The following SCAF11 variants were observed in gnomAD, a reference collection of about 807,000 sequenced individuals.
SCAF11 encodes the protein SR-related CTD associated factor 11, also known as protein SCAF11.
Under a neutral mutation model 140.5 loss-of-function variants are expected in SCAF11, and 47 were observed. The observed-to-expected ratio is 0.33, with a 90% CI of 0.26 to 0.43. The LOEUF (loss-of-function observed/expected upper bound fraction) is 0.43. Among genes scored for constraint, SCAF11 ranks in the 20% least tolerant of loss-of-function variants. The pLI is 1.00. For synonymous variants in SCAF11, 557 were observed against 579.4 expected, an observed-to-expected ratio of 0.96 and a Z score of 0.55; for missense variants, 1,645 against 1,705.1, an observed-to-expected ratio of 0.96 and a Z score of 0.62.
At chr12:45,955,457 G>C (rs1945665400) in intron 3 of SCAF11, 1 of 152,266 alleles carries the variant, frequency 6.6e-6, no homozygotes. Flanking sequence ...GCCCAGACTG[G>C]CCTAATTTTA....
At chr12:45,950,547 C>T (rs1412626997) in intron 4 of SCAF11, among the ~76,000 whole-genome samples, 21 of 152,138 alleles carry the variant, frequency 1.4e-4, no homozygotes, top group Non-Finnish European at 3.1e-4. Flanking sequence ...TACATACAAA[C>T]AGCGTTTGGA....
At chr12:45,978,375 T>C (rs1037496904) in intron 1 of SCAF11, among the ~76,000 whole-genome samples, 2 of 152,204 alleles carry the variant, frequency 1.3e-5, no homozygotes, top group Admixed American at 6.5e-5. Flanking sequence ...TAAAGCTCTC[T>C]TATATTTATT....
At chr12:45,961,881 G>A (rs752158192) in intron 2 of SCAF11, 24 bp from the exon 3 acceptor site, 3 of 1,566,410 alleles carry the variant, frequency 1.9e-6, no homozygotes, top group Admixed American at 1.9e-5. Flanking sequence ...ACAGCCATAT[G>A]TGCTTTCAAG....
At chr12:45,984,542 A>T (rs1004544165) in intron 1 of SCAF11, among the ~76,000 whole-genome samples, 1 of 152,220 alleles carries the variant, frequency 6.6e-6, no homozygotes, top group Non-Finnish European at 1.5e-5. Context: ...TTGGTAATTA[A>T]CATGCATTTT....
At chr12:45,964,696 T>C (rs1565684211) in intron 1 of SCAF11, among the ~76,000 whole-genome samples, 1 of 151,758 alleles carries the variant, frequency 6.6e-6, no homozygotes, top group Admixed American at 6.6e-5. Flanking sequence ...GAAAAGCCTT[T>C]TATAACTATT....
chr12:45,972,971 GAT>G lies in SCAF11; in HGVS notation c.-21-8785_-21-8784del, dbSNP rs1177215954. Among the ~76,000 whole-genome samples, 35 of 124,042 alleles carry G rather than the reference GAT, an allele frequency of 2.8e-4. 1 individual carries two copies. The highest frequency in any genetic ancestry group is 1.1e-3 in the African/African-American group (32 of 28,928). The allele number at this position is 124,042 out of a possible 152,430, so 81.4% of individuals were successfully genotyped here. A position where few individuals can be genotyped will look rare whatever the true frequency, so the allele number is the denominator to read the frequency against. Reference sequence around the variant, plus strand: ...ATATAGATATATAGATATATATATAGATATATAGATATATAGATATAGATATA... The same window carrying G: ...ATATAGATATATAGATATATATATAGATATAGATATATAGATATAGATATA... On this transcript the variant is annotated intron_variant, in intron 1 of 14. Coordinates refer to ENST00000369367, the MANE Select transcript of SCAF11 (RefSeq NM_004719.3).
intron 6 of SCAF11, among the ~76,000 whole-genome samples, chr12:45,942,906 C>A (rs1366674750): frequency 6.6e-6 from 1 of 152,134 alleles, no homozygotes; most frequent in Non-Finnish European, 1.5e-5. Flanking sequence ...TGTTTTTGTT[C>A]ACTACTATAC....
Position 45,928,542 on chromosome 12 carries a change from T to C in SCAF11, c.1159A>G (p.Lys387Glu), listed in dbSNP as rs1166021068. Residue 387 changes from lysine (K) to glutamate (E), a missense_variant, in exon 11 of 15, where the codon AAA becomes GAA. Coordinates refer to ENST00000369367, the MANE Select transcript of SCAF11 (RefSeq NM_004719.3). ...VRRGRKPPLL[K>E]KKLRSSVAAP... The stretch of plus-strand genomic sequence containing the variant: ...GCTACAGAGCTCCGAAGTTTCTTTT[T>C]CAGTAAAGGTGGTTTTCTTCCTCTT... 1 of 1,614,016 alleles carries C rather than the reference T, an allele frequency of 6.2e-7. No homozygotes were observed. Among genetic ancestry groups the C allele is most frequent in the East Asian group, 2.2e-5 (1 of 44,896 alleles).
chr12:45,962,038 ATTT>A (rs1383870155), intron 2 of SCAF11, among the ~76,000 whole-genome samples, 181 bp from the exon 3 acceptor site: 2 of 152,128 alleles, frequency 1.3e-5, no homozygotes, highest in Non-Finnish European at 2.9e-5. Flanking sequence ...ACTTTCTTAA[ATTT>A]TTTTAACGGG....
chr12:45,956,739 T>C (rs1456145324), intron 3 of SCAF11, among the ~76,000 whole-genome samples: 1 of 152,232 alleles, frequency 6.6e-6, no homozygotes, highest in Admixed American at 6.5e-5. Flanking sequence ...GGCAACACTT[T>C]ATCTAGTGTA....
intron 3 of SCAF11, among the ~76,000 whole-genome samples, chr12:45,958,160 C>T (rs1945743230): frequency 6.6e-6 from 1 of 152,040 alleles, no homozygotes; most frequent in South Asian, 2.1e-4. Flanking sequence ...CCTCCTTGGC[C>T]TCCCAAAGTG....
At chr12:45,960,343 T>A (rs1396839394) in intron 3 of SCAF11, 1 of 152,124 alleles carries the variant, frequency 6.6e-6, no homozygotes, top group East Asian at 1.9e-4. Context: ...CCAAATACAA[T>A]CTTATAAAAA....
intron 9 of SCAF11, among the ~76,000 whole-genome samples, chr12:45,932,122 C>T (rs1037974913): frequency 1.3e-5 from 2 of 152,054 alleles, no homozygotes; most frequent in African/African-American, 4.8e-5. Context: ...AGTGTCCTCA[C>T]ACTCCTTTGT....
Position 45,920,229 on chromosome 12 carries a change from T to C in SCAF11, c.*1819A>G, listed in dbSNP as rs560642955. On this transcript the variant is annotated 3_prime_UTR_variant, in exon 15 of 15. Transcript: ENST00000369367. ...ACTCATAACAACAAAGCTTATGAAC[T>C]AGCACAATCATTATGGGACCAACAT... The C allele has an allele frequency of 6.6e-6, 1 of 152,310 alleles. No individual in the cohort carries two copies. Among genetic ancestry groups the C allele is most frequent in the Non-Finnish European group, 1.5e-5 (1 of 68,012 alleles). 9.4% of individuals were successfully genotyped at this position (152,310 alleles called of 1,614,324 possible).
Position 45,958,494 on chromosome 12 carries a change from T to G in SCAF11, c.219+3206A>C, listed in dbSNP as rs535232783. On this transcript the variant is annotated intron_variant, in intron 3 of 14. Transcript: ENST00000369367. Reference sequence around the variant, plus strand: ...ATGTCTTTGATTAATTTTAGATTGTTGGATCTAACAGTTATGGTTTAAATT... The same window carrying G: ...ATGTCTTTGATTAATTTTAGATTGTGGGATCTAACAGTTATGGTTTAAATT... Among the ~76,000 whole-genome samples, 5 of 152,368 alleles carry G rather than the reference T, an allele frequency of 3.3e-5. No homozygotes were observed. The East Asian group carries it at 7.7e-4, about 23-fold the overall frequency.
chr12:45,982,767 A>G (rs999876596), intron 1 of SCAF11, among the ~76,000 whole-genome samples: 1 of 152,186 alleles, frequency 6.6e-6, no homozygotes, highest in Non-Finnish European at 1.5e-5. Context: ...GAATTTTTAT[A>G]ACAGTGTTGT....
Position 45,943,448 on chromosome 12 carries a change from CTTT to C in SCAF11, c.463+1798_463+1800del, listed in dbSNP as rs1244629848. ...TTTGAGAGAGCCCACGCTCACCTAA[CTTT>C]TATTACAGTATATTATTATAATTGT... On this transcript the variant is annotated intron_variant, in intron 6 of 14. Transcript: ENST00000369367. Among the ~76,000 whole-genome samples, 4 of 152,276 alleles carry C rather than the reference CTTT, an allele frequency of 2.6e-5. No homozygotes were observed. The East Asian group carries it at 7.7e-4, about 29-fold the overall frequency.
At chr12:45,965,671 T>C (rs565986601) in intron 1 of SCAF11, among the ~76,000 whole-genome samples, 2 of 152,318 alleles carry the variant, frequency 1.3e-5, no homozygotes, top group African/African-American at 4.8e-5. Context: ...TGCAATGAAA[T>C]GTCCAAATAT....
At chr12:45,975,622 C>T (rs1488730981) in intron 1 of SCAF11, 2 of 164,112 alleles carry the variant, frequency 1.2e-5, no homozygotes, top group East Asian at 1.8e-4. Flanking sequence ...GTTAGAGACG[C>T]GCTCTGGATT....
Sources: allele counts gnomAD v4.1 joint callset (sites outside exome capture counted in the v4.1 genomes callset), GRCh38; gene constraint gnomAD v4.1.1; transcripts MANE v1.5; gene names NCBI Gene and HGNC (gene_info 2026-07-23, HGNC 2026-07-21).